The following EPS15L1 variants were observed in gnomAD, a reference collection of about 807,000 sequenced individuals.
EPS15L1 encodes the protein epidermal growth factor receptor pathway substrate 15 like 1, also known as epidermal growth factor receptor substrate 15-like 1.
A neutral mutation model predicts 117.1 loss-of-function variants in EPS15L1; 43 were observed. The ratio of observed to expected loss-of-function variants is 0.37; its 90% confidence interval spans 0.29 to 0.47. EPS15L1 has a LOEUF of 0.47. Ranked by LOEUF, EPS15L1 falls within the 20% of genes least tolerant of loss-of-function variation. The pLI is 0.99. For synonymous variants in EPS15L1, 459 were observed against 470.5 expected, an observed-to-expected ratio of 0.98 and a Z score of 0.32; for missense variants, 981 against 1,164.0, an observed-to-expected ratio of 0.84 and a Z score of 2.29.
chr19:16,419,487 A>G (rs12462717), intron 10 of EPS15L1, among the ~76,000 whole-genome samples: 3,737 of 152,034 alleles, frequency 0.025, 122 homozygotes, highest in Admixed American at 0.087. Context: ...TGAGGAGCCA[A>G]CCAGGAAGGG....
chr19:16,397,554 G>A (rs945829226), intron 16 of EPS15L1, among the ~76,000 whole-genome samples: 2 of 151,738 alleles, frequency 1.3e-5, no homozygotes, highest in Admixed American at 1.3e-4. Flanking sequence ...TCCTTTTCTC[G>A]GTGAGTATGT....
At chr19:16,379,481 C>T (rs748578544) in intron 21 of EPS15L1, among the ~76,000 whole-genome samples, 9 of 152,124 alleles carry the variant, frequency 5.9e-5, no homozygotes, top group Non-Finnish European at 1.2e-4. Context: ...GGGTTTCCCT[C>T]GAGAATCTGA....
rs1038063304 is a variant in EPS15L1 at position 16,440,750 on chromosome 19, C to T, written c.213+112G>A. On this transcript the variant is annotated intron_variant, in intron 4 of 23. Coordinates refer to ENST00000455140, the MANE Select transcript of EPS15L1 (RefSeq NM_001258374.3). ...TCCCGTGTTAAGTTTGACAGCCGTG[C>T]TCATGCCTAGTAATACTTGACAGTG... The T allele has an allele frequency of 3.3e-6, 3 of 918,282 alleles. No individual in the cohort carries two copies. In the African/African-American group the frequency reaches 4.9e-5, roughly 15 times the overall value. 56.9% of individuals were successfully genotyped at this position (918,282 alleles called of 1,614,324 possible). A position where few individuals can be genotyped will look rare whatever the true frequency, so the allele number is the denominator to read the frequency against.
At chr19:16,426,003 G>A (rs1439994022) in intron 8 of EPS15L1, among the ~76,000 whole-genome samples, 5 of 152,216 alleles carry the variant, frequency 3.3e-5, no homozygotes, top group African/African-American at 1.2e-4. Context: ...AGACTCATCA[G>A]CGATGGTGGA....
rs778100840 is a variant in EPS15L1, at chr19:16,441,903, T to C, written c.154A>G (p.Ile52Val). 2 of 1,613,322 alleles carry C rather than the reference T, an allele frequency of 1.2e-6. No homozygotes were observed. Among genetic ancestry groups the C allele is most frequent in the Non-Finnish European group, 1.7e-6 (2 of 1,179,486 alleles). Residue 52 changes from isoleucine to valine, a missense_variant, in exon 3 of 24, where the codon ATC becomes GTC. By Grantham distance (29) the Ile-to-Val change is conservative. Transcript: ENST00000455140. ...FLKKSGLSDI[I>V]LGKIWDLADP... ...TCATCTTCACATACCTTCCCAAGGA[T>C]AATGTCCGAGAGGCCAGACTTCTTT...
At position 16,355,597 on chromosome 19, in the gene EPS15L1, G is replaced by C. The variant is rs1039835139; in HGVS notation, c.*108C>G. 2.6e-5 allele frequency: 36 copies of C among 1,363,896 alleles called. 1 individual carries two copies. In the South Asian group the frequency reaches 4.3e-4, roughly 16 times the overall value. The allele number at this position is 1,363,896 out of a possible 1,614,324, so 84.5% of individuals were successfully genotyped here. Reference sequence around the variant, plus strand: ...CACCCTGAACAAGCCCCCGAGTCCCGGTCCTTGGAGTACGGTGGCGACGGT... The same window carrying C: ...CACCCTGAACAAGCCCCCGAGTCCCCGTCCTTGGAGTACGGTGGCGACGGT... On this transcript the variant is annotated 3_prime_UTR_variant, in exon 24 of 24. Coordinates refer to ENST00000455140, the MANE Select transcript of EPS15L1 (RefSeq NM_001258374.3).
rs576572053 is a variant in EPS15L1 at position 16,393,517 on chromosome 19, C to T, written c.1966+434G>A. ...ACAAAAAATTAGCCGGGCGTGGTAG[C>T]GGGCGCCTGTAGTCCCAGCTACTTG... On this transcript the variant is annotated intron_variant, in intron 18 of 23. Transcript: ENST00000455140. Among the ~76,000 whole-genome samples the T allele has an allele frequency of 2.7e-3, 414 of 151,240 alleles. 3 individuals are homozygous for T. Among genetic ancestry groups the T allele is most frequent in the Middle Eastern group, 0.014 (4 of 294 alleles).
chr19:16,430,419 C>G (rs1237255408), intron 7 of EPS15L1, among the ~76,000 whole-genome samples: 1 of 152,218 alleles, frequency 6.6e-6, no homozygotes, highest in African/African-American at 2.4e-5. Flanking sequence ...ACTGTGCAAC[C>G]AAGGTGACTT....
chr19:16,417,232 C>A (rs2092766703), intron 12 of EPS15L1, among the ~76,000 whole-genome samples: 2 of 152,076 alleles, frequency 1.3e-5, no homozygotes, highest in South Asian at 4.1e-4. Context: ...CTGCCCACGA[C>A]CTGCCTGGGA....
chr19:16,355,842 C>A lies in EPS15L1; in HGVS notation c.2596G>T (p.Glu866Ter). ...GFADFTSFGN[E>*]EQQLAWAKRE... ...TTGGCCCACGCCAGCTGCTGCTCCTCATTGCCAAACTGCAAAGGAAAAACG... is the reference window on the plus strand; with the variant it reads ...TTGGCCCACGCCAGCTGCTGCTCCTAATTGCCAAACTGCAAAGGAAAAACG... The change falls in exon 24 of 24, where the codon GAG becomes TAG. Residue 866 changes from glutamate to a stop codon, truncating the protein, a stop_gained. Transcript: ENST00000455140. LOFTEE classifies it high-confidence loss of function. The A allele has an allele frequency of 6.5e-7, 1 of 1,535,784 alleles. No individual in the cohort carries two copies. Among genetic ancestry groups the A allele is most frequent in the Non-Finnish European group, 8.7e-7 (1 of 1,146,594 alleles).
At chr19:16,388,187 T>C (rs1225931314) in intron 19 of EPS15L1, among the ~76,000 whole-genome samples, 2 of 152,086 alleles carry the variant, frequency 1.3e-5, no homozygotes, top group Non-Finnish European at 2.9e-5. Context: ...GGATTACAAG[T>C]GTGCACCACC....
chr19:16,445,879 C>T (rs572083152), intron 1 of EPS15L1, among the ~76,000 whole-genome samples: 58 of 152,290 alleles, frequency 3.8e-4, no homozygotes, highest in African/African-American at 1.3e-3. Flanking sequence ...CAGAGCTGAC[C>T]CGATGTGTTC....
chr19:16,368,295 C>T (rs12462331), intron 22 of EPS15L1, among the ~76,000 whole-genome samples: 1,665 of 152,142 alleles, frequency 0.011, 81 homozygotes, highest in Admixed American at 0.079. Context: ...CAACAGTGGA[C>T]GCACACATAC....
At chr19:16,406,856 C>T (rs1203530168) in intron 13 of EPS15L1, among the ~76,000 whole-genome samples, 1 of 152,206 alleles carries the variant, frequency 6.6e-6, no homozygotes, top group African/African-American at 2.4e-5. Flanking sequence ...AAATTCTCAC[C>T]CCCAAGATGA....
Position 16,401,673 on chromosome 19 carries a change from CA to C in EPS15L1, c.1791+647del, listed in dbSNP as rs1393426041. ...GAAAAGGTCACACCTGTCTTGGTAT[CA>C]GGGGCTCAAGAGCTCTCAAAAATGT... is the stretch of plus-strand genomic sequence containing the variant. On this transcript the variant is annotated intron_variant, in intron 16 of 23. Coordinates refer to ENST00000455140, the MANE Select transcript of EPS15L1 (RefSeq NM_001258374.3). 13 of 985,312 alleles carry C rather than the reference CA, an allele frequency of 1.3e-5. No individual in the cohort carries two copies. In the African/African-American group the frequency reaches 2.3e-4, roughly 17 times the overall value. 61.0% of individuals were successfully genotyped at this position (985,312 alleles called of 1,614,324 possible). A position where few individuals can be genotyped will look rare whatever the true frequency, so the allele number is the denominator to read the frequency against.
rs547642733 is a variant in EPS15L1 at position 16,399,788 on chromosome 19, C to G, written c.1791+2533G>C. 4.0e-5 allele frequency among the ~76,000 whole-genome samples: 6 copies of G among 151,878 alleles called. No individual in the cohort carries two copies. In the South Asian group the frequency reaches 1.2e-3, roughly 32 times the overall value. ...CCTCCCACCTCAGCCTCCCAAAGGACTGGGATTACAGGTGTGAGCCATTGT... is the reference window on the plus strand; with the variant it reads ...CCTCCCACCTCAGCCTCCCAAAGGAGTGGGATTACAGGTGTGAGCCATTGT... On this transcript the variant is annotated intron_variant, in intron 16 of 23. Transcript: ENST00000455140.
chr19:16,429,024 A>C (rs1315039946), intron 7 of EPS15L1, among the ~76,000 whole-genome samples: 1 of 152,056 alleles, frequency 6.6e-6, no homozygotes, highest in Non-Finnish European at 1.5e-5. Context: ...CTATACTTTA[A>C]ACTTACCCTG....
At chr19:16,402,805 G>A (rs1287677696) in intron 15 of EPS15L1, among the ~76,000 whole-genome samples, 3 of 152,072 alleles carry the variant, frequency 2.0e-5, no homozygotes, top group African/African-American at 7.2e-5. Context: ...GTCTGGTCTT[G>A]AACTCCTGGC....
At chr19:16,441,469 C>CA (rs200223983) in intron 3 of EPS15L1, 220 of 158,054 alleles carry the variant, frequency 1.4e-3, no homozygotes, top group East Asian at 0.011. Context: ...GAGACTGTCT[C>CA]AAAAAAAAAA....
Sources: gnomAD v4.1 joint callset for allele counts (sites outside exome capture counted in the v4.1 genomes callset) on GRCh38, gnomAD v4.1.1 for gene constraint, MANE v1.5 for transcripts, NCBI Gene and HGNC (gene_info 2026-07-23, HGNC 2026-07-21) for gene names.